ADGRG6: variants seen among roughly 807,000 people sequenced by gnomAD.
The protein encoded by ADGRG6 is adhesion G protein-coupled receptor G6.
In ADGRG6, 84 loss-of-function variants were observed where a neutral mutation model predicts 142.4. That is an observed-to-expected ratio of 0.59 (90% CI 0.49 to 0.71). The LOEUF (loss-of-function observed/expected upper bound fraction) is 0.71, where lower values mean the gene tolerates loss of function less well. ADGRG6 is among the 30% of genes least tolerant of loss of function. The pLI is 0.00. For synonymous variants in ADGRG6, 521 were observed against 520.5 expected, an observed-to-expected ratio of 1.00 and a Z score of -0.01; for missense variants, 1,367 against 1,466.6, an observed-to-expected ratio of 0.93 and a Z score of 1.11.
At chr6:142,369,441 C>A (rs1781117345) in intron 3 of ADGRG6, among the ~76,000 whole-genome samples, 1 of 152,092 alleles carries the variant, frequency 6.6e-6, no homozygotes, top group African/African-American at 2.4e-5. Flanking sequence ...ACAGATAAGA[C>A]AAAGGTAGAG....
chr6:142,417,489 G>A, intron 21 of ADGRG6, 120 bp downstream of exon 21: 2 of 616,380 alleles, frequency 3.2e-6, no homozygotes, highest in South Asian at 3.9e-5. Flanking sequence ...TCACATGACT[G>A]CCAAAATCTC....
intron 24 of ADGRG6, among the ~76,000 whole-genome samples, chr6:142,441,833 G>A (rs1457341415): frequency 1.3e-5 from 2 of 152,104 alleles, no homozygotes; most frequent in Non-Finnish European, 2.9e-5. Flanking sequence ...TAATGGGGAG[G>A]GGCCTTTTGT....
chr6:142,321,314 T>TACACACACACACACACAC (rs2114609565), intron 2 of ADGRG6, among the ~76,000 whole-genome samples: 1 of 116,876 alleles, frequency 8.6e-6, no homozygotes, highest in African/African-American at 3.7e-5. Context: ...CACACACACG[T>TACACACACACACACACAC]GTATATACTA....
At position 142,405,826 on chromosome 6, in the gene ADGRG6, C is replaced by A; in HGVS notation, c.2266C>A (p.Gln756Lys). ...TTTCTTCAACAAAACTGGACTTTTC[C>A]AGGTAAGCACATTCATTAAATTATT... The part of the protein sequence containing the change: ...FTFFNKTGLF[Q>K]DVGPQRKTLV... The change falls in exon 15 of 25, where the codon CAG (glutamine) becomes AAG (lysine). Residue 756 changes from glutamine (Q) to lysine (K), a missense_variant and splice_region_variant. By Grantham distance (53) the Gln-to-Lys change is moderately conservative. Around this residue, in one of 3 missense-constraint regions of ADGRG6, gnomAD observed 286 missense variants for 371.4 expected, o/e 0.77. Transcript: ENST00000367609. The A allele has an allele frequency of 6.3e-7, 1 of 1,579,520 alleles. No homozygotes were observed. The highest frequency in any genetic ancestry group is 1.2e-5 in the South Asian group (1 of 84,530).
At chr6:142,373,272 C>A (rs1447298482) in intron 4 of ADGRG6, among the ~76,000 whole-genome samples, 1 of 151,284 alleles carries the variant, frequency 6.6e-6, no homozygotes, top group African/African-American at 2.4e-5. Context: ...CCAGGATAGG[C>A]TAAAGCTCAT....
intron 17 of ADGRG6, among the ~76,000 whole-genome samples, chr6:142,410,409 G>A (rs924681001): frequency 2.6e-5 from 4 of 152,188 alleles, no homozygotes; most frequent in African/African-American, 7.2e-5. Context: ...TGAAAGAGAT[G>A]AAGAGCCTGC....
Position 142,356,089 on chromosome 6 carries a change from A to G in ADGRG6, c.104-11480A>G, listed in dbSNP as rs146964942. Reference sequence around the variant, plus strand: ...CCAGCCCAGTGCAATTTGAAATTAGATAAACATTTTGGCAATGATGTGGCA... The same window carrying G: ...CCAGCCCAGTGCAATTTGAAATTAGGTAAACATTTTGGCAATGATGTGGCA... On this transcript the variant is annotated intron_variant, in intron 2 of 24. Coordinates refer to ENST00000367609, the MANE Select transcript of ADGRG6 (RefSeq NM_198569.3). 2.0e-5 allele frequency among the ~76,000 whole-genome samples: 3 copies of G among 152,336 alleles called. No homozygotes were observed. In the East Asian group the frequency reaches 5.8e-4, roughly 29 times the overall value.
intron 3 of ADGRG6, among the ~76,000 whole-genome samples, chr6:142,369,629 T>A (rs1781132882): frequency 6.6e-6 from 1 of 152,162 alleles, no homozygotes; most frequent in East Asian, 1.9e-4. Flanking sequence ...ATTTTTGCAT[T>A]TGTTCCTAAA....
At chr6:142,369,578 T>G (rs1037332331) in intron 3 of ADGRG6, among the ~76,000 whole-genome samples, 5 of 152,176 alleles carry the variant, frequency 3.3e-5, no homozygotes, top group African/African-American at 1.2e-4. Flanking sequence ...AATCTCCACT[T>G]TGTTTGACTT....
In ADGRG6 at chr6:142,312,988, CTT is replaced by C. The variant is rs1777844499; in HGVS notation, c.103+3346_103+3347del. Among the ~76,000 whole-genome samples, 3 of 152,010 alleles carry C rather than the reference CTT, an allele frequency of 2.0e-5. No individual in the cohort carries two copies. In the South Asian group the frequency reaches 6.2e-4, roughly 31 times the overall value. The stretch of plus-strand genomic sequence containing the variant: ...CTGTAATCCCAGCACTTATATAAGA[CTT>C]TGTAAACATGTTAACAAAACATGGA... On this transcript the variant is annotated intron_variant, in intron 2 of 24. Transcript: ENST00000367609.
intron 3 of ADGRG6, among the ~76,000 whole-genome samples, chr6:142,369,183 T>C (rs905444557): frequency 3.9e-5 from 6 of 152,218 alleles, no homozygotes; most frequent in African/African-American, 1.4e-4. Context: ...GAAATACTTC[T>C]TTCTCAAATT....
Position 142,407,805 on chromosome 6 carries a change from G to A in ADGRG6, c.2269-345G>A, listed in dbSNP as rs150601990. 6.7e-3 allele frequency among the ~76,000 whole-genome samples: 1,017 copies of A among 152,232 alleles called. 8 individuals are homozygous for A. The highest frequency in any genetic ancestry group is 0.027 in the Middle Eastern group (8 of 294). ...AAACAACATCTATCTTCTAAAGTAG[G>A]GAAATGATCTAATTGTTTCACAGCT... On this transcript the variant is annotated intron_variant, in intron 15 of 24. Transcript: ENST00000367609.
Position 142,400,503 on chromosome 6 carries a change from A to G in ADGRG6, c.1586A>G (p.Glu529Gly). Residue 529 changes from glutamate to glycine, a missense_variant, in exon 11 of 25, where the codon GAG becomes GGG. By Grantham distance (98) the Glu-to-Gly change is moderately conservative (BLOSUM62 -2). Transcript: ENST00000367609. The stretch of plus-strand genomic sequence containing the variant: ...CATATAGGTCATTGTCTTGCCATGG[A>G]GGAACCCAAAGGCTACTACTGGCCA... ...VRQLGHCLAMEEPKGYYWPSI... is the reference protein window; with the variant it reads ...VRQLGHCLAMGEPKGYYWPSI... The G allele has an allele frequency of 6.4e-7, 1 of 1,560,806 alleles. No individual in the cohort carries two copies. The highest frequency in any genetic ancestry group is 8.8e-7 in the Non-Finnish European group (1 of 1,132,202).
intron 2 of ADGRG6, among the ~76,000 whole-genome samples, chr6:142,312,015 A>G (rs1777791748): frequency 6.6e-6 from 1 of 151,542 alleles, no homozygotes; most frequent in Admixed American, 6.6e-5. Context: ...TCTTTTTGAC[A>G]CTCAGATCTC....
At chr6:142,313,865 C>T (rs1777892999) in intron 2 of ADGRG6, among the ~76,000 whole-genome samples, 1 of 151,910 alleles carries the variant, frequency 6.6e-6, no homozygotes, top group Admixed American at 6.6e-5. Flanking sequence ...CTAAAAAAAT[C>T]CTTTTATGAA....
intron 9 of ADGRG6, among the ~76,000 whole-genome samples, chr6:142,395,833 T>TA (rs1057463264): frequency 2.0e-5 from 3 of 152,174 alleles, no homozygotes; most frequent in South Asian, 2.1e-4. Context: ...CATTGTTTTT[T>TA]AAAAAAACTT....
chr6:142,380,478 CTA>C (rs1781721165), intron 4 of ADGRG6, among the ~76,000 whole-genome samples: 1 of 152,148 alleles, frequency 6.6e-6, no homozygotes, highest in Non-Finnish European at 1.5e-5. Context: ...CATGGTGTTG[CTA>C]TTTTCCAAAG....
At chr6:142,353,654 A>G (rs1175701533) in intron 2 of ADGRG6, among the ~76,000 whole-genome samples, 1 of 152,208 alleles carries the variant, frequency 6.6e-6, no homozygotes, top group Non-Finnish European at 1.5e-5. Context: ...TTGTTTAAAA[A>G]GTTGATCTAA....
At chr6:142,374,097 A>C (rs1044231093) in intron 4 of ADGRG6, among the ~76,000 whole-genome samples, 4 of 152,068 alleles carry the variant, frequency 2.6e-5, no homozygotes, top group African/African-American at 9.7e-5. Flanking sequence ...GGCTGTGTTA[A>C]TTGATTGTGA....
Sources: allele counts gnomAD v4.1 joint callset (sites outside exome capture counted in the v4.1 genomes callset), GRCh38; gene constraint gnomAD v4.1.1; regional missense constraint gnomAD v4.1.1; transcripts MANE v1.5; gene names NCBI Gene and HGNC (gene_info 2026-07-23, HGNC 2026-07-21).